The following TNPO3 variants were observed in gnomAD, a reference collection of about 807,000 sequenced individuals.
TNPO3 encodes the protein transportin 3.
Under a neutral mutation model 122.8 loss-of-function variants are expected in TNPO3, and 65 were observed. The ratio of observed to expected loss-of-function variants is 0.53; its 90% CI spans 0.43 to 0.65. TNPO3 has a LOEUF of 0.65. Among genes scored for constraint, TNPO3 ranks in the 30% least tolerant of loss-of-function variants. The probability of loss-of-function intolerance (pLI) is 0.00; values close to 1 mark genes in which losing one functional copy is unlikely to be tolerated. For missense variants in TNPO3, 850 were observed against 1,136.7 expected, an observed-to-expected ratio of 0.75 and a Z score of 3.63; for synonymous variants, 372 against 411.2, an observed-to-expected ratio of 0.90 and a Z score of 1.15.
chr7:129,007,330 C>G (rs999284365), intron 4 of TNPO3, among the ~76,000 whole-genome samples: 2 of 152,196 alleles, frequency 1.3e-5, no homozygotes, highest in African/African-American at 4.8e-5. Flanking sequence ...CCCAAACTTG[C>G]TTACATACAT....
At chr7:128,994,761 C>T (rs1801126836) in intron 8 of TNPO3, among the ~76,000 whole-genome samples, 1 of 152,088 alleles carries the variant, frequency 6.6e-6, no homozygotes, top group African/African-American at 2.4e-5. Context: ...TGGGCTTAAG[C>T]AATCCTCCCA....
intron 1 of TNPO3, among the ~76,000 whole-genome samples, chr7:129,027,294 C>T (rs917256414): frequency 1.3e-5 from 2 of 152,112 alleles, no homozygotes; most frequent in Non-Finnish European, 2.9e-5. Flanking sequence ...GGCACAGTGG[C>T]TCACACCTAT....
rs943376493 is a variant in TNPO3 at position 129,054,990 on chromosome 7, G to T, written c.-220C>A. ...ATTCAGGTTCCTGGCCTTTTTTCCG[G>T]TTTTTCCACTTGATTCTAGACTCTT... On this transcript the variant is annotated 5_prime_UTR_variant, in exon 1 of 23. Transcript: ENST00000265388. 25 of 561,720 alleles carry T rather than the reference G, an allele frequency of 4.5e-5. No individual in the cohort carries two copies. Among genetic ancestry groups the T allele is most frequent in the Non-Finnish European group, 6.9e-5 (22 of 319,112 alleles). 34.8% of individuals were successfully genotyped at this position (561,720 alleles called of 1,614,324 possible). A position where few individuals can be genotyped will look rare whatever the true frequency, so the allele number is the denominator to read the frequency against.
At chr7:129,051,002 C>G (rs1220545455) in intron 1 of TNPO3, among the ~76,000 whole-genome samples, 1 of 152,116 alleles carries the variant, frequency 6.6e-6, no homozygotes, top group Admixed American at 6.5e-5. Context: ...CCAGGCCAGA[C>G]TGGAGCAGGG....
chr7:128,965,876 G>C (rs1021550614), intron 21 of TNPO3, among the ~76,000 whole-genome samples: 7 of 152,196 alleles, frequency 4.6e-5, no homozygotes, highest in Admixed American at 6.5e-5. Context: ...GGTATCTAGA[G>C]TAGTCAGACT....
chr7:129,037,494 C>T (rs1270548233), intron 1 of TNPO3, among the ~76,000 whole-genome samples: 1 of 152,074 alleles, frequency 6.6e-6, no homozygotes, highest in Non-Finnish European at 1.5e-5. Context: ...CTAGGATGAG[C>T]ATATAGAACC....
At chr7:128,989,037 AC>A (rs777856436) in intron 11 of TNPO3, among the ~76,000 whole-genome samples, 2 of 152,326 alleles carry the variant, frequency 1.3e-5, no homozygotes, top group Non-Finnish European at 2.9e-5. Context: ...AGATCAGGCC[AC>A]TGCATTTCAG....
At position 128,993,870 on chromosome 7, in the gene TNPO3, C is replaced by T. The variant is rs748361215; in HGVS notation, c.1203G>A (p.Met401Ile). Residue 401 changes from methionine to isoleucine, a missense_variant, in exon 9 of 23, where the codon ATG becomes ATA. By Grantham distance (10) the Met-to-Ile change is conservative. Coordinates refer to ENST00000265388, the MANE Select transcript of TNPO3 (RefSeq NM_012470.4). ...EETDDFGEFR[M>I]RVSDLVKDLI... Reference sequence around the variant, plus strand: ...AGTCCTTTACCAGGTCTGATACCCTCATGCGAAACTCCCCAAAGTCATCAG... The same window carrying T: ...AGTCCTTTACCAGGTCTGATACCCTTATGCGAAACTCCCCAAAGTCATCAG... 6.2e-7 allele frequency: 1 copy of T among 1,614,166 alleles called. No individual in the cohort carries two copies. Among genetic ancestry groups the T allele is most frequent in the Non-Finnish European group, 8.5e-7 (1 of 1,180,026 alleles).
rs1010728809 is a variant in TNPO3, at chr7:129,035,003, G to A, written c.121-16846C>T. On this transcript the variant is annotated intron_variant, in intron 1 of 22. Transcript: ENST00000265388. ...CTTAAACAACATATCGGCCGGGCGC[G>A]GTGGCTCACGCCTGTAATCCCAGCA... Among the ~76,000 whole-genome samples, 6 of 151,810 alleles carry A rather than the reference G, an allele frequency of 4.0e-5. No individual in the cohort carries two copies. In the East Asian group the frequency reaches 5.8e-4, roughly 15 times the overall value.
rs1468869062 is a variant in TNPO3, at chr7:128,955,168, C to T, written c.*249G>A. The T allele has an allele frequency of 3.3e-6, 1 of 299,988 alleles. No individual in the cohort carries two copies. Among genetic ancestry groups the T allele is most frequent in the Non-Finnish European group, 6.6e-6 (1 of 151,680 alleles). 18.6% of individuals were successfully genotyped at this position (299,988 alleles called of 1,614,324 possible). On this transcript the variant is annotated 3_prime_UTR_variant, in exon 23 of 23. Transcript: ENST00000265388. ...GAAACCAGCTCCCCTCCCACCACGC[C>T]GGGCAGGCCACAGCCATCTTTTTAA...
Position 128,979,883 on chromosome 7 carries a change from A to AG in TNPO3, c.1920+87dup. 3.4e-6 allele frequency: 4 copies of AG among 1,180,304 alleles called. No homozygotes were observed. The South Asian group carries it at 4.9e-5, about 15-fold the overall frequency. The allele number at this position is 1,180,304 out of a possible 1,614,324, so 73.1% of individuals were successfully genotyped here. On this transcript the variant is annotated intron_variant, in intron 15 of 22. Coordinates refer to ENST00000265388, the MANE Select transcript of TNPO3 (RefSeq NM_012470.4). ...AACTGAATCTCCCTATGAACTTGGA[A>AG]GACAGTATCTTCTCAGGTGAGTTAC...
At position 128,967,381 on chromosome 7, in the gene TNPO3, T is replaced by C; in HGVS notation, c.2610A>G (p.Arg870=). ...AACCTTTTAAGGAATTTTCTAACCA[T>C]CGACAAAAAGTCTGTATAGGAAAGA... ...IMQVDRPTFC[R]WLENSLKGLP... Residue 870 remains arginine, a synonymous_variant, in exon 21 of 23, where the codon CGA becomes CGG. Transcript: ENST00000265388. 6.2e-7 allele frequency: 1 copy of C among 1,612,544 alleles called. No homozygotes were observed. Among genetic ancestry groups the C allele is most frequent in the Non-Finnish European group, 8.5e-7 (1 of 1,178,588 alleles).
rs1453491201 is a variant in TNPO3, at chr7:128,957,281, G to C, written c.2746C>G (p.Arg916Gly). ...TATCGAAACAACCTGGTGAAGTCTC[G>C]CAAGGCCCAGCAAACTTGTTTACAT... The part of the protein sequence containing the change: ...EECKQVCWAL[R>G]DFTRLFR The change falls in exon 22 of 23, where the codon CGA becomes GGA. Residue 916 changes from arginine (R) to glycine (G), a missense_variant. Arg to Gly is a moderately radical substitution (Grantham distance 125, BLOSUM62 -2). Coordinates refer to ENST00000265388, the MANE Select transcript of TNPO3 (RefSeq NM_012470.4). 13 of 1,614,028 alleles carry C rather than the reference G, an allele frequency of 8.1e-6. No individual in the cohort carries two copies. Among genetic ancestry groups the C allele is most frequent in the Non-Finnish European group, 1.0e-5 (12 of 1,179,952 alleles).
intron 1 of TNPO3, among the ~76,000 whole-genome samples, chr7:129,021,450 T>C (rs1804504814): frequency 6.6e-6 from 1 of 151,396 alleles, no homozygotes; most frequent in Non-Finnish European, 1.5e-5. Flanking sequence ...CAGTTTAGCC[T>C]TTATAAAACC....
At chr7:128,974,494 T>C (rs1246254068) in intron 18 of TNPO3, among the ~76,000 whole-genome samples, 3 of 152,002 alleles carry the variant, frequency 2.0e-5, no homozygotes, top group Non-Finnish European at 4.4e-5. Flanking sequence ...CGAAACTGAT[T>C]ATATCTAAAG....
chr7:128,965,416 G>C (rs1005846572), intron 21 of TNPO3, among the ~76,000 whole-genome samples: 1 of 152,154 alleles, frequency 6.6e-6, no homozygotes, highest in Non-Finnish European at 1.5e-5. Flanking sequence ...TGCTAAGATG[G>C]CTACTCTCAA....
intron 5 of TNPO3, among the ~76,000 whole-genome samples, chr7:129,003,039 CAAAAAAAA>C (rs56226072): frequency 1.5e-4 from 8 of 53,272 alleles, no homozygotes; most frequent in Admixed American, 9.1e-4. Context: ...GACTCCCTCT[CAAAAAAAA>C]AAAAAAAAAA....
intron 7 of TNPO3, 76 bp downstream of exon 7, chr7:129,000,353 C>A: frequency 1.5e-6 from 2 of 1,374,120 alleles, no homozygotes; most frequent in Non-Finnish European, 1.9e-6. Context: ...AAAATTTGGG[C>A]ACGAGGTAAT....
chr7:128,982,186 A>G (rs113839656), intron 14 of TNPO3, 62 bp downstream of exon 14: 29 of 1,420,920 alleles, frequency 2.0e-5, no homozygotes, highest in African/African-American at 1.4e-4. Context: ...GCTTACTTCA[A>G]TATACAATGG....
Sources: gnomAD v4.1 joint callset for allele counts (sites outside exome capture counted in the v4.1 genomes callset) on GRCh38, gnomAD v4.1.1 for gene constraint, MANE v1.5 for transcripts, NCBI Gene and HGNC (gene_info 2026-07-23, HGNC 2026-07-21) for gene names.